PCLO: variants seen among roughly 807,000 people sequenced by gnomAD.
The protein encoded by PCLO is piccolo presynaptic cytomatrix protein, also known as protein piccolo.
A neutral mutation model predicts 427.5 loss-of-function variants in PCLO; 82 were observed. That is an observed-to-expected ratio of 0.19 (90% CI 0.16 to 0.23). The LOEUF (loss-of-function observed/expected upper bound fraction) is 0.23. Among genes scored for constraint, PCLO ranks in the 10% least tolerant of loss-of-function variants. The pLI is 1.00. For synonymous variants in PCLO, 2,357 were observed against 2,155.4 expected (o/e 1.09, Z -2.59); for missense variants, 6,239 against 6,115.9 (o/e 1.02, Z -0.67).
chr7:82,982,896 G>T (rs73710104), intron 3 of PCLO, among the ~76,000 whole-genome samples: 4,291 of 151,682 alleles, frequency 0.028, 207 homozygotes, highest in African/African-American at 0.097. Flanking sequence ...GATATAAAAT[G>T]TTAATGAAAT....
rs540681556 is a variant in PCLO at position 82,966,329 on chromosome 7, T to C, written c.3459A>G (p.Gln1153=). 9.9e-6 allele frequency: 16 copies of C among 1,613,896 alleles called. No homozygotes were observed. The South Asian group carries it at 1.5e-4, about 16-fold the overall frequency. The change falls in exon 4 of 25, where the codon CAA becomes CAG. Residue 1153 remains glutamine, a synonymous_variant. Transcript: ENST00000333891. The stretch of plus-strand genomic sequence containing the variant: ...GTTCTTGCTTTTTCACTAATTTTAC[T>C]TGGGGAGGCACTGCTGTTTTCTGAG... ...SSSQKTAVPP[Q]VKLVKKQEQE...
chr7:82,902,417 G>C (rs1794066176), intron 9 of PCLO, among the ~76,000 whole-genome samples: 1 of 151,874 alleles, frequency 6.6e-6, no homozygotes, highest in African/African-American at 2.4e-5. Flanking sequence ...CACACACTGG[G>C]GCCTGTTGTG....
At chr7:83,121,822 T>C (rs867758718) in intron 3 of PCLO, among the ~76,000 whole-genome samples, 7 of 150,884 alleles carry the variant, frequency 4.6e-5, no homozygotes, top group Non-Finnish European at 4.4e-5. Flanking sequence ...TGAGAGGCTA[T>C]AGCCCTGACA....
In PCLO at chr7:83,026,217, G is replaced by A. The variant is rs1159015022; in HGVS notation, c.3301-59730C>T. Among the ~76,000 whole-genome samples, 10 of 152,164 alleles carry A rather than the reference G, an allele frequency of 6.6e-5. No individual in the cohort carries two copies. The East Asian group carries it at 1.4e-3, about 21-fold the overall frequency. On this transcript the variant is annotated intron_variant, in intron 3 of 24. Transcript: ENST00000333891. ...GCTGTATTCAGGAAACCCATCTCACGTGCAGAGACACACATAGGCTCAAAA... is the reference window on the plus strand; with the variant it reads ...GCTGTATTCAGGAAACCCATCTCACATGCAGAGACACACATAGGCTCAAAA...
At chr7:83,053,973 C>T (rs965702935) in intron 3 of PCLO, among the ~76,000 whole-genome samples, 2 of 151,850 alleles carry the variant, frequency 1.3e-5, no homozygotes, top group African/African-American at 4.8e-5. Context: ...TTCTTGTAGA[C>T]CATTAATCAT....
chr7:82,788,838 C>T (rs954310428), intron 22 of PCLO, among the ~76,000 whole-genome samples: 4 of 150,838 alleles, frequency 2.7e-5, no homozygotes, highest in South Asian at 2.1e-4. Context: ...TCATGTTTGC[C>T]GTTGTAACAA....
At chr7:82,821,905 T>C in intron 20 of PCLO, 1 of 985,592 alleles carries the variant, frequency 1.0e-6, no homozygotes, top group Non-Finnish European at 1.2e-6. Context: ...CTACAATTTT[T>C]TGCACATGGA....
At chr7:82,859,070 C>T (rs1792885650) in intron 10 of PCLO, among the ~76,000 whole-genome samples, 1 of 152,116 alleles carries the variant, frequency 6.6e-6, no homozygotes, top group African/African-American at 2.4e-5. Context: ...TGTTTGAGGG[C>T]CAGCTCAGCT....
intron 8 of PCLO, among the ~76,000 whole-genome samples, chr7:82,906,199 CTAA>C (rs1794189495): frequency 1.3e-5 from 2 of 151,920 alleles, no homozygotes; most frequent in Admixed American, 6.6e-5. Context: ...TTCTATGCCT[CTAA>C]TGTTTGTCTT....
Position 83,135,638 on chromosome 7 carries a change from A to T in PCLO, c.1912T>A (p.Leu638Met). Residue 638 changes from leucine to methionine, a missense_variant, in exon 3 of 25, where the codon TTG (leucine) becomes ATG (methionine). Physicochemically the swap from Leu to Met is conservative, Grantham distance 15. Around this residue, in one of 5 missense-constraint regions of PCLO, gnomAD observed 4,677 missense variants for 4,468.4 expected, o/e 1.05. Coordinates refer to ENST00000333891, the MANE Select transcript of PCLO (RefSeq NM_033026.6). The stretch of plus-strand genomic sequence containing the variant: ...AGAGCTCTTTTCATTTGACAGTTCA[A>T]ACAGAGCCACTCTTTTACCTACAAA... ...HLTEVKEWLC[L>M]NCQMKRALGG... 6.2e-7 allele frequency: 1 copy of T among 1,601,012 alleles called. No homozygotes were observed. The highest frequency in any genetic ancestry group is 8.5e-7 in the Non-Finnish European group (1 of 1,172,938).
Position 82,956,457 on chromosome 7 carries a change from A to C in PCLO, c.4496T>G (p.Phe1499Cys). ...TCTTCTAGTAGTTATGTCATCAACA[A>C]ACTCAGACTTCTCTTTATGGTCCTT... Reference protein sequence around the residue: ...SSKDHKEKSEFVDDITTRREP... With the variant: ...SSKDHKEKSECVDDITTRREP... The change falls in exon 5 of 25, where the codon TTT (phenylalanine) becomes TGT (cysteine). Residue 1499 changes from phenylalanine (F) to cysteine (C), a missense_variant. This residue lies in a region of PCLO where 4,677 missense variants were observed against 4,468.4 expected (regional missense o/e 1.05). Coordinates refer to ENST00000333891, the MANE Select transcript of PCLO (RefSeq NM_033026.6). The C allele has an allele frequency of 3.1e-6, 5 of 1,613,870 alleles. No homozygotes were observed. Among genetic ancestry groups the C allele is most frequent in the Non-Finnish European group, 4.2e-6 (5 of 1,179,844 alleles).
intron 3 of PCLO, among the ~76,000 whole-genome samples, chr7:83,015,434 T>C (rs1395023051): frequency 1.3e-5 from 2 of 152,010 alleles, no homozygotes; most frequent in Non-Finnish European, 2.9e-5. Context: ...ACATATGCTC[T>C]CCCAAGTTCC....
At chr7:82,771,790 T>G (rs1790652847) in intron 22 of PCLO, among the ~76,000 whole-genome samples, 1 of 152,034 alleles carries the variant, frequency 6.6e-6, no homozygotes. Flanking sequence ...GAGTGGTTAT[T>G]TATGGGGAGA....
chr7:82,802,691 G>A (rs964614858), intron 21 of PCLO, among the ~76,000 whole-genome samples: 1 of 152,056 alleles, frequency 6.6e-6, no homozygotes, highest in Non-Finnish European at 1.5e-5. Context: ...CTAGCATAGT[G>A]GGATTTACTA....
At chr7:83,100,147 A>C (rs1790701188) in intron 3 of PCLO, among the ~76,000 whole-genome samples, 1 of 152,186 alleles carries the variant, frequency 6.6e-6, no homozygotes. Flanking sequence ...ATTGGCAAAA[A>C]AAATTGTTAT....
chr7:82,825,726 T>C (rs1244568191), intron 18 of PCLO, among the ~76,000 whole-genome samples: 1 of 147,168 alleles, frequency 6.8e-6, no homozygotes, highest in Non-Finnish European at 1.5e-5. Flanking sequence ...GTATACACTG[T>C]ATAGTATATA....
chr7:82,913,032 A>C (rs939711384), intron 7 of PCLO, among the ~76,000 whole-genome samples: 5 of 152,014 alleles, frequency 3.3e-5, no homozygotes, highest in African/African-American at 9.7e-5. Context: ...TAAAATGTGG[A>C]TTGTAAAAAG....
In PCLO at chr7:82,890,858, T is replaced by C. The variant is rs1483035975; in HGVS notation, c.13529-11396A>G. On this transcript the variant is annotated intron_variant, in intron 9 of 24. Coordinates refer to ENST00000333891, the MANE Select transcript of PCLO (RefSeq NM_033026.6). ...GTATTTGGAAGAAACAGTTATACTT[T>C]CAACTTATTTCAGAAGAAAATAGAA... Among the ~76,000 whole-genome samples, 2 of 151,992 alleles carry C rather than the reference T, an allele frequency of 1.3e-5. 1 individual carries two copies. Among genetic ancestry groups the C allele is most frequent in the Non-Finnish European group, 2.9e-5 (2 of 67,942 alleles).
chr7:82,770,014 T>C lies in PCLO; in HGVS notation c.15008-8521A>G, dbSNP rs568285821. Among the ~76,000 whole-genome samples, 15 of 152,246 alleles carry C rather than the reference T, an allele frequency of 9.9e-5. No individual in the cohort carries two copies. In the South Asian group the frequency reaches 2.3e-3, roughly 23 times the overall value. On this transcript the variant is annotated intron_variant, in intron 22 of 24. Transcript: ENST00000333891. ...TTTCAAACCCAGTCATTATGGAAAG[T>C]CTTATTAATGCCCTACTAGCTGTTA...
Sources: allele counts gnomAD v4.1 joint callset (sites outside exome capture counted in the v4.1 genomes callset), GRCh38; gene constraint gnomAD v4.1.1; regional missense constraint gnomAD v4.1.1; transcripts MANE v1.5; gene names NCBI Gene and HGNC (gene_info 2026-07-23, HGNC 2026-07-21).